NTRK2: variants seen among roughly 807,000 people sequenced by gnomAD.
The protein encoded by NTRK2 is neurotrophic receptor tyrosine kinase 2.
In NTRK2, 13 loss-of-function variants were observed where a neutral mutation model predicts 94.5. The ratio of observed to expected loss-of-function variants is 0.14; its 90% CI spans 0.09 to 0.22. NTRK2 has a LOEUF of 0.22. Among genes scored for constraint, NTRK2 ranks in the 10% least tolerant of loss-of-function variants. The pLI is 1.00. For synonymous variants in NTRK2, 372 were observed against 407.4 expected (o/e 0.91, Z 1.05); for missense variants, 639 against 1,071.2 (o/e 0.60, Z 5.63).
At chr9:85,017,853 A>C (rs2133581524) in intron 17 of NTRK2, among the ~76,000 whole-genome samples, 1 of 152,320 alleles carries the variant, frequency 6.6e-6, no homozygotes, top group Middle Eastern at 3.4e-3. Flanking sequence ...GCAACACCAA[A>C]ATGCACAGTG....
intron 6 of NTRK2, among the ~76,000 whole-genome samples, chr9:84,719,438 C>T (rs773144309): frequency 2.1e-4 from 32 of 152,074 alleles, no homozygotes; most frequent in Admixed American, 5.2e-4. Flanking sequence ...GAAAAAAAAC[C>T]CACATTAGAT....
At chr9:84,696,261 C>T (rs2060369597) in intron 2 of NTRK2, among the ~76,000 whole-genome samples, 1 of 152,192 alleles carries the variant, frequency 6.6e-6, no homozygotes. Context: ...GCCTTGGCCT[C>T]CCAAAGTACT....
chr9:84,777,801 T>A (rs1415531944), intron 12 of NTRK2, among the ~76,000 whole-genome samples: 1 of 152,212 alleles, frequency 6.6e-6, no homozygotes, highest in Non-Finnish European at 1.5e-5. Context: ...GTAAAGGTAG[T>A]TTGATCATGC....
At chr9:84,788,902 G>T (rs2068424696) in intron 12 of NTRK2, among the ~76,000 whole-genome samples, 1 of 152,156 alleles carries the variant, frequency 6.6e-6, no homozygotes, top group African/African-American at 2.4e-5. Flanking sequence ...CCATCCATTA[G>T]GAAGTCATTA....
intron 2 of NTRK2, among the ~76,000 whole-genome samples, chr9:84,688,157 C>T (rs1385285564): frequency 6.6e-6 from 1 of 152,180 alleles, no homozygotes; most frequent in South Asian, 2.1e-4. Context: ...GGGTGAAATC[C>T]AGGAAGGAGC....
chr9:84,896,866 G>A (rs2076772993), intron 14 of NTRK2, among the ~76,000 whole-genome samples: 1 of 152,202 alleles, frequency 6.6e-6, no homozygotes, highest in South Asian at 2.1e-4. Context: ...ACGAATGAGA[G>A]TAAATGGGGA....
At chr9:84,868,570 A>G (rs2075701856) in intron 14 of NTRK2, among the ~76,000 whole-genome samples, 1 of 152,218 alleles carries the variant, frequency 6.6e-6, no homozygotes, top group African/African-American at 2.4e-5. Context: ...CTGTAACATG[A>G]CAAGATAAAT....
At chr9:84,887,792 C>A (rs910611785) in intron 14 of NTRK2, among the ~76,000 whole-genome samples, 3 of 152,158 alleles carry the variant, frequency 2.0e-5, no homozygotes, top group Non-Finnish European at 4.4e-5. Context: ...CTGGCTTGGA[C>A]CCCTGTGAAA....
chr9:84,787,815 G>A (rs1318334515), intron 12 of NTRK2, among the ~76,000 whole-genome samples: 1 of 152,138 alleles, frequency 6.6e-6, no homozygotes, highest in Admixed American at 6.5e-5. Context: ...TGGTATGGTG[G>A]GCAATATAGT....
intron 2 of NTRK2, among the ~76,000 whole-genome samples, chr9:84,681,330 C>T (rs2059377390): frequency 6.6e-6 from 1 of 152,152 alleles, no homozygotes; most frequent in Non-Finnish European, 1.5e-5. Context: ...AAGCCACAAA[C>T]CGTGACTCTT....
At position 84,741,146 on chromosome 9, in the gene NTRK2, T is replaced by TAA. The variant is rs57485814; in HGVS notation, c.1160-740_1160-739dup. ...TTACCAGTTCTTGTTGATGCTGAGT[T>TAA]AAAAAAATGTTTTTGGCAAGTCTCA... On this transcript the variant is annotated intron_variant, in intron 9 of 18. Transcript: ENST00000277120. Among the ~76,000 whole-genome samples, 6 of 151,972 alleles carry TAA rather than the reference T, an allele frequency of 3.9e-5. No homozygotes were observed. The East Asian group carries it at 5.8e-4, about 15-fold the overall frequency.
chr9:84,857,633 G>C (rs1446454217), intron 12 of NTRK2, among the ~76,000 whole-genome samples: 1 of 152,184 alleles, frequency 6.6e-6, no homozygotes, highest in Non-Finnish European at 1.5e-5. Context: ...TGATCAAGAA[G>C]ATTGTATTCT....
intron 12 of NTRK2, among the ~76,000 whole-genome samples, chr9:84,766,994 C>T (rs2132744602): frequency 6.6e-6 from 1 of 152,310 alleles, no homozygotes; most frequent in Middle Eastern, 3.4e-3. Context: ...GTGTACACTC[C>T]TGGCATGTTG....
chr9:84,802,411 G>T (rs1465500843), intron 12 of NTRK2, among the ~76,000 whole-genome samples: 1 of 152,200 alleles, frequency 6.6e-6, no homozygotes, highest in Non-Finnish European at 1.5e-5. Flanking sequence ...CCAACATGAA[G>T]GAGTCGAGGA....
intron 17 of NTRK2, among the ~76,000 whole-genome samples, chr9:85,004,025 G>C (rs1830626209): frequency 2.1e-5 from 1 of 47,526 alleles, no homozygotes; most frequent in Non-Finnish European, 4.2e-5. Context: ...AAGAGAGAAA[G>C]AAAGAAAGAG....
chr9:84,992,151 A>C lies in NTRK2; in HGVS notation c.2173-28055A>C, dbSNP rs180939482. Among the ~76,000 whole-genome samples, 92 of 152,244 alleles carry C rather than the reference A, an allele frequency of 6.0e-4. 1 individual carries two copies. The highest frequency in any genetic ancestry group is 1.1e-3 in the Non-Finnish European group (78 of 68,010). On this transcript the variant is annotated intron_variant, in intron 17 of 18. Transcript: ENST00000277120. ...CAACCACAGTTGAAATGAAGGACAA[A>C]TATAAAATGTGTCCCAGGATATTGG...
chr9:84,677,071 G>A (rs906333578), intron 2 of NTRK2, among the ~76,000 whole-genome samples: 3 of 152,190 alleles, frequency 2.0e-5, no homozygotes, highest in African/African-American at 7.2e-5. Flanking sequence ...GCAGCAATGA[G>A]GTATGCTAAC....
chr9:84,748,455 G>T (rs573936236), intron 11 of NTRK2, among the ~76,000 whole-genome samples: 1 of 152,324 alleles, frequency 6.6e-6, no homozygotes, highest in East Asian at 1.9e-4. Flanking sequence ...AGAGAAGCCA[G>T]GGCAGGCATT....
At chr9:84,733,479 C>T (rs1044837658) in intron 9 of NTRK2, among the ~76,000 whole-genome samples, 3 of 152,210 alleles carry the variant, frequency 2.0e-5, no homozygotes, top group Non-Finnish European at 4.4e-5. Context: ...TCCTGGGCTA[C>T]CCCTTGCAGC....
Sources: gnomAD v4.1 joint callset for allele counts (sites outside exome capture counted in the v4.1 genomes callset) on GRCh38, gnomAD v4.1.1 for gene constraint, MANE v1.5 for transcripts, NCBI Gene and HGNC (gene_info 2026-07-23, HGNC 2026-07-21) for gene names.